The following STK33 variants were observed in gnomAD, a reference collection of about 807,000 sequenced individuals.
STK33 encodes the protein serine/threonine-protein kinase 33.
In STK33, 52 loss-of-function variants were observed where a neutral mutation model predicts 58.0. The observed-to-expected ratio is 0.90, with a 90% CI of 0.72 to 1.13. STK33 has a LOEUF of 1.13. Among genes scored for constraint, STK33 ranks in the 50% most tolerant of loss-of-function variants. STK33 has a pLI of 0.00. For synonymous variants in STK33, 215 were observed against 200.1 expected (o/e 1.07, Z -0.63); for missense variants, 630 against 604.2 (o/e 1.04, Z -0.45).
chr11:8,373,350 G>A, the STK33 span, among the ~76,000 whole-genome samples: 2 of 152,166 alleles, frequency 1.3e-5, no homozygotes, highest in African/African-American at 4.8e-5. Flanking sequence ...ACTGCTGGGG[G>A]TGTGGAGCCC....
chr11:8,505,234 T>C (rs1951786845), intron 1 of STK33, among the ~76,000 whole-genome samples: 1 of 152,222 alleles, frequency 6.6e-6, no homozygotes, highest in African/African-American at 2.4e-5. Flanking sequence ...ATGCCTGATA[T>C]ATAAGCTAAT....
chr11:8,470,793 A>C (rs1948706460), intron 6 of STK33, among the ~76,000 whole-genome samples: 2 of 152,196 alleles, frequency 1.3e-5, no homozygotes, highest in Non-Finnish European at 2.9e-5. Context: ...GAATGCACAC[A>C]ACACTTATTG....
chr11:8,558,021 AG>A (rs1956882141), intron 1 of STK33, among the ~76,000 whole-genome samples: 1 of 152,212 alleles, frequency 6.6e-6, no homozygotes, highest in Non-Finnish European at 1.5e-5. Flanking sequence ...AATTTAACTT[AG>A]AAAAATCACT....
chr11:8,370,643 G>A, the STK33 span, among the ~76,000 whole-genome samples: 1,828 of 152,226 alleles, frequency 0.012, 36 homozygotes, highest in African/African-American at 0.041. Context: ...ACCTCAGTGG[G>A]GCAAATGCAA....
At chr11:8,489,272 G>GAAAAAAAAAAAAAAAAAAAAAAAA (rs60919146) in intron 1 of STK33, among the ~76,000 whole-genome samples, 12 of 126,572 alleles carry the variant, frequency 9.5e-5, no homozygotes, top group South Asian at 2.5e-4. Flanking sequence ...AAAAAAAAAA[G>GAAAAAAAAAAAAAAAAAAAAAAAA]AAAAAAAAAA....
the STK33 span, among the ~76,000 whole-genome samples, chr11:8,351,732 T>C: frequency 2.6e-5 from 4 of 152,246 alleles, no homozygotes; most frequent in South Asian, 8.3e-4. Context: ...CGCTTATATG[T>C]TCTGCTGCTG....
At chr11:8,363,647 G>C in the STK33 span, among the ~76,000 whole-genome samples, 1 of 152,354 alleles carries the variant, frequency 6.6e-6, no homozygotes, top group South Asian at 2.1e-4. Context: ...TTTGCACAGC[G>C]GTGCGTGCAG....
the STK33 span, among the ~76,000 whole-genome samples, chr11:8,360,624 T>TGGG: frequency 6.6e-6 from 1 of 152,258 alleles, no homozygotes; most frequent in Non-Finnish European, 1.5e-5. Context: ...CATCTGGAGC[T>TGGG]GGGGCTCCTC....
intron 1 of STK33, among the ~76,000 whole-genome samples, chr11:8,563,968 G>A (rs1384222811): frequency 6.6e-6 from 1 of 152,208 alleles, no homozygotes; most frequent in Non-Finnish European, 1.5e-5. Flanking sequence ...GTCAGTCAAA[G>A]ATGGTGAGGT....
chr11:8,538,460 C>T (rs2140287670), intron 1 of STK33, among the ~76,000 whole-genome samples: 1 of 152,280 alleles, frequency 6.6e-6, no homozygotes, highest in East Asian at 1.9e-4. Flanking sequence ...CATCATGCCC[C>T]CAGTAATGTA....
chr11:8,512,919 T>A (rs772746759), intron 1 of STK33, among the ~76,000 whole-genome samples: 5 of 152,192 alleles, frequency 3.3e-5, no homozygotes, highest in Non-Finnish European at 7.3e-5. Context: ...TTAGCGCCCC[T>A]AGGTTTAGCA....
intron 1 of STK33, among the ~76,000 whole-genome samples, chr11:8,581,234 G>A (rs904668656): frequency 6.6e-6 from 1 of 151,982 alleles, no homozygotes; most frequent in Non-Finnish European, 1.5e-5. Flanking sequence ...GATATACACA[G>A]TGTTGTACAA....
chr11:8,344,897 G>C, the STK33 span, among the ~76,000 whole-genome samples: 3 of 152,164 alleles, frequency 2.0e-5, no homozygotes, highest in South Asian at 2.1e-4. Flanking sequence ...CAGCCTCCTT[G>C]CCTCCCTCCC....
chr11:8,396,642 C>A (rs1313534166), intron 15 of STK33, among the ~76,000 whole-genome samples: 10 of 152,272 alleles, frequency 6.6e-5, no homozygotes, highest in Non-Finnish European at 1.5e-4. Context: ...GCGCACCGAA[C>A]GTGAGCCGAA....
At chr11:8,490,585 T>G (rs1353979431) in intron 1 of STK33, among the ~76,000 whole-genome samples, 1 of 152,170 alleles carries the variant, frequency 6.6e-6, no homozygotes, top group Non-Finnish European at 1.5e-5. Context: ...AGCATGGTGT[T>G]TGAGCTCTGA....
the STK33 span, among the ~76,000 whole-genome samples, chr11:8,367,628 C>T: frequency 6.6e-6 from 1 of 152,194 alleles, no homozygotes; most frequent in Admixed American, 6.5e-5. Flanking sequence ...TTTTCAAACA[C>T]AATGATTGTT....
chr11:8,518,516 C>T (rs548448865), intron 1 of STK33, among the ~76,000 whole-genome samples: 50 of 152,258 alleles, frequency 3.3e-4, no homozygotes, highest in African/African-American at 1.1e-3. Flanking sequence ...TGTAAATGGG[C>T]TAAATGCCCC....
intron 15 of STK33, among the ~76,000 whole-genome samples, chr11:8,406,500 T>C (rs1206655955): frequency 6.6e-6 from 1 of 152,202 alleles, no homozygotes; most frequent in Non-Finnish European, 1.5e-5. Context: ...TTCTAAACCA[T>C]AAACATGGTA....
intron 14 of STK33, among the ~76,000 whole-genome samples, chr11:8,417,769 TAATA>T (rs754715825): frequency 1.6e-4 from 24 of 152,302 alleles, no homozygotes; most frequent in African/African-American, 5.5e-4. Flanking sequence ...AATTTTCACC[TAATA>T]GATAGACAAA....
Sources: allele counts gnomAD v4.1 joint callset (sites outside exome capture counted in the v4.1 genomes callset), GRCh38; gene constraint gnomAD v4.1.1; transcripts MANE v1.5; gene names NCBI Gene and HGNC (gene_info 2026-07-23, HGNC 2026-07-21).